CASZ1: variants seen among roughly 807,000 people sequenced by gnomAD.
CASZ1 encodes castor zinc finger 1.
Under a neutral mutation model 135.2 loss-of-function variants are expected in CASZ1, and 28 were observed. The observed-to-expected ratio is 0.21, with a 90% CI of 0.15 to 0.28. CASZ1 has a LOEUF of 0.28. Among genes scored for constraint, CASZ1 ranks in the 10% least tolerant of loss-of-function variants. CASZ1 has a pLI of 1.00. For synonymous variants in CASZ1, 1,068 were observed against 1,073.4 expected (o/e 0.99, Z 0.10); for missense variants, 2,161 against 2,453.3 (o/e 0.88, Z 2.52).
chr1:10,653,834 G>A lies in CASZ1; in HGVS notation c.2223C>T (p.Ser741=), dbSNP rs772120814. The A allele has an allele frequency of 9.9e-6, 16 of 1,608,964 alleles. No individual in the cohort carries two copies. The Admixed American group carries it at 2.2e-4, about 22-fold the overall frequency. The stretch of plus-strand genomic sequence containing the variant: ...ACGCAGAGGACTGCTGGCTGGTAGG[G>A]GAGGCGCTCAGGCTGGAGTTCTTGC... The part of the protein sequence containing the change: ...LSSKNSSLSA[S]PTSQQSSASL... Residue 741 remains serine (S), a synonymous_variant, in exon 11 of 21, where the codon TCC becomes TCT. Coordinates refer to ENST00000377022, the MANE Select transcript of CASZ1 (RefSeq NM_001079843.3).
chr1:10,683,238 TG>T (rs1638482714), intron 4 of CASZ1, among the ~76,000 whole-genome samples: 1 of 152,066 alleles, frequency 6.6e-6, no homozygotes, highest in African/African-American at 2.4e-5. Context: ...GGAGTAGGTG[TG>T]GGGGAAGGGC....
rs1186330457 is a variant in CASZ1, at chr1:10,694,350, C to T, written c.-23-438G>A. 20 of 1,142,122 alleles carry T rather than the reference C, an allele frequency of 1.8e-5. No homozygotes were observed. In the South Asian group the frequency reaches 2.6e-4, roughly 15 times the overall value. The allele number at this position is 1,142,122 out of a possible 1,614,324, so 70.7% of individuals were successfully genotyped here. ...ACTTAAATAATCAACTTTCATAATA[C>T]TTAATTAATGCCTAATTGCAACTGA... is the stretch of plus-strand genomic sequence containing the variant. On this transcript the variant is annotated intron_variant, in intron 3 of 20. Transcript: ENST00000377022. This position sits in a 1 kb window ranked among gnomAD's most constrained non-coding sequence, Gnocchi z 6.6.
chr1:10,642,487 G>A (rs1557455487), intron 20 of CASZ1, among the ~76,000 whole-genome samples: 1 of 152,066 alleles, frequency 6.6e-6, no homozygotes, highest in Admixed American at 6.5e-5. Context: ...GAAGGGGCAG[G>A]AGGAGAGAGA....
chr1:10,654,379 C>G (rs35604552), intron 10 of CASZ1, 40 bp downstream of exon 10: 3 of 1,601,426 alleles, frequency 1.9e-6, no homozygotes, highest in Non-Finnish European at 1.7e-6. Flanking sequence ...CTTCCCTCCC[C>G]GCTTCTGCCC....
intron 2 of CASZ1, among the ~76,000 whole-genome samples, chr1:10,754,119 T>C (rs1328718219): frequency 2.0e-5 from 3 of 152,170 alleles, no homozygotes; most frequent in African/African-American, 7.2e-5. Context: ...TCACTTCCTT[T>C]CTGTCTTCAC....
chr1:10,724,970 C>A lies in CASZ1; in HGVS notation c.-76-19426G>T, dbSNP rs1395663857. 1.3e-5 allele frequency among the ~76,000 whole-genome samples: 2 copies of A among 152,230 alleles called. No homozygotes were observed. The highest frequency in any genetic ancestry group is 2.9e-5 in the Non-Finnish European group (2 of 68,036). On this transcript the variant is annotated intron_variant, in intron 2 of 20. Transcript: ENST00000377022. The surrounding 1 kb of genome is among the most constrained non-coding windows in gnomAD (Gnocchi z 4.1). The stretch of plus-strand genomic sequence containing the variant: ...TGAAGTTGAAATAACCTACAAATTA[C>A]TTAATGTGTTGTAAATCTGGGGGAA...
chr1:10,703,689 A>G (rs1639110300), intron 3 of CASZ1, among the ~76,000 whole-genome samples: 1 of 152,104 alleles, frequency 6.6e-6, no homozygotes, highest in African/African-American at 2.4e-5. Context: ...AGGCCCCCTA[A>G]AGTGCAGGAG....
intron 2 of CASZ1, among the ~76,000 whole-genome samples, chr1:10,728,568 C>G (rs1285227913): frequency 6.6e-6 from 1 of 152,088 alleles, no homozygotes; most frequent in African/African-American, 2.4e-5. Context: ...CTCTTTCCAA[C>G]TCTTTCTTTC....
In CASZ1 at chr1:10,694,891, C is replaced by T. The variant is rs1042134460; in HGVS notation, c.-23-979G>A. 1.4e-5 allele frequency among the ~76,000 whole-genome samples: 2 copies of T among 143,590 alleles called. No homozygotes were observed. Among genetic ancestry groups the T allele is most frequent in the Non-Finnish European group, 3.1e-5 (2 of 64,828 alleles). The allele number at this position is 143,590 out of a possible 152,430, so 94.2% of individuals were successfully genotyped here. On this transcript the variant is annotated intron_variant, in intron 3 of 20. Transcript: ENST00000377022. The surrounding 1 kb of genome is among the most constrained non-coding windows in gnomAD (Gnocchi z 6.6). ...GCACGCGCCCACTCTTGCCGGCCGCCGGCGGCCGCGCGCGCGCTCGCATGC... is the reference window on the plus strand; with the variant it reads ...GCACGCGCCCACTCTTGCCGGCCGCTGGCGGCCGCGCGCGCGCTCGCATGC...
intron 2 of CASZ1, among the ~76,000 whole-genome samples, chr1:10,713,635 C>A (rs889434601): frequency 6.6e-6 from 1 of 152,224 alleles, no homozygotes; most frequent in Non-Finnish European, 1.5e-5. Flanking sequence ...TCCCTCAGCT[C>A]TCTTCGTTTG....
At chr1:10,768,201 T>TGTTC (rs1198339062) in intron 1 of CASZ1, among the ~76,000 whole-genome samples, 4 of 151,620 alleles carry the variant, frequency 2.6e-5, no homozygotes, top group African/African-American at 9.7e-5. Flanking sequence ...GGGTCATTAT[T>TGTTC]GTTCGTTTGT....
intron 9 of CASZ1, 140 bp from the exon 10 acceptor site, chr1:10,654,731 CG>C (rs1378902231): frequency 2.6e-6 from 2 of 771,280 alleles, no homozygotes; most frequent in East Asian, 5.0e-5. Context: ...CTGGAGGCCT[CG>C]GGATGTTGAT....
In CASZ1 at chr1:10,735,262, T is replaced by C. The variant is rs1436289296; in HGVS notation, c.-77+25439A>G. Among the ~76,000 whole-genome samples, 1 of 152,190 alleles carries C rather than the reference T, an allele frequency of 6.6e-6. No homozygotes were observed. The highest frequency in any genetic ancestry group is 1.5e-5 in the Non-Finnish European group (1 of 68,028). Reference sequence around the variant, plus strand: ...AATGCAAGTGTGGTGAAATTAAATATAAATCATATTTTCTGCATAAATTAT... The same window carrying C: ...AATGCAAGTGTGGTGAAATTAAATACAAATCATATTTTCTGCATAAATTAT... On this transcript the variant is annotated intron_variant, in intron 2 of 20. Transcript: ENST00000377022. This position sits in a 1 kb window ranked among gnomAD's most constrained non-coding sequence, Gnocchi z 5.1.
chr1:10,646,465 C>T lies in CASZ1; in HGVS notation c.3498-139G>A. 2 of 764,206 alleles carry T rather than the reference C, an allele frequency of 2.6e-6. No individual in the cohort carries two copies. The highest frequency in any genetic ancestry group is 1.7e-5 in the South Asian group (1 of 60,054). The allele number at this position is 764,206 out of a possible 1,614,324, so 47.3% of individuals were successfully genotyped here. A position where few individuals can be genotyped will look rare whatever the true frequency, so the allele number is the denominator to read the frequency against. On this transcript the variant is annotated intron_variant, in intron 16 of 20. Coordinates refer to ENST00000377022, the MANE Select transcript of CASZ1 (RefSeq NM_001079843.3). This position sits in a 1 kb window ranked among gnomAD's most constrained non-coding sequence, Gnocchi z 6.4. Reference sequence around the variant, plus strand: ...AGGGATGGCCTGGGCTGCTGTCCTGCTCAACAGGATGACTCAGCTGGAGAC... The same window carrying T: ...AGGGATGGCCTGGGCTGCTGTCCTGTTCAACAGGATGACTCAGCTGGAGAC...
At chr1:10,643,409 G>A (rs1015872986) in intron 18 of CASZ1, 98 bp from the exon 19 acceptor site, 5 of 1,315,672 alleles carry the variant, frequency 3.8e-6, no homozygotes, top group Non-Finnish European at 5.3e-6. Flanking sequence ...GGGCAGTGTG[G>A]TCAGTAAGGC....
chr1:10,654,698 G>GT, intron 9 of CASZ1, 107 bp from the exon 10 acceptor site: 2 of 1,104,738 alleles, frequency 1.8e-6, no homozygotes, highest in Non-Finnish European at 2.6e-6. Flanking sequence ...GCTCAGGGAA[G>GT]CTTTGGCACC....
Position 10,756,044 on chromosome 1 carries a change from C to G in CASZ1, c.-77+4657G>C, listed in dbSNP as rs1640249007. ...CAGATGCACACGCCTCCCACCCGGACACACCCTCCCCCAGGGCCGGCCCAG... is the reference window on the plus strand; with the variant it reads ...CAGATGCACACGCCTCCCACCCGGAGACACCCTCCCCCAGGGCCGGCCCAG... On this transcript the variant is annotated intron_variant, in intron 2 of 20. Transcript: ENST00000377022. The surrounding 1 kb of genome is among the most constrained non-coding windows in gnomAD (Gnocchi z 5.9). Among the ~76,000 whole-genome samples the G allele has an allele frequency of 6.6e-6, 1 of 152,298 alleles. No individual in the cohort carries two copies. Among genetic ancestry groups the G allele is most frequent in the East Asian group, 1.9e-4 (1 of 5,172 alleles).
intron 4 of CASZ1, among the ~76,000 whole-genome samples, chr1:10,686,291 T>C (rs1299755638): frequency 6.6e-6 from 1 of 152,202 alleles, no homozygotes; most frequent in Admixed American, 6.5e-5. Context: ...TCTGATAAAG[T>C]TGGCAGAAAA....
Position 10,794,503 on chromosome 1 carries a change from C to G in CASZ1, c.-234+2061G>C, listed in dbSNP as rs952445980. On this transcript the variant is annotated intron_variant, in intron 1 of 20. Coordinates refer to ENST00000377022, the MANE Select transcript of CASZ1 (RefSeq NM_001079843.3). The surrounding 1 kb of genome is among the most constrained non-coding windows in gnomAD (Gnocchi z 5.6). ...GGGGGAGCTCCATACTCAGGAGAGG[C>G]GCTACTGCCGCTTTTCCGGTGGGCA... Among the ~76,000 whole-genome samples, 22 of 152,064 alleles carry G rather than the reference C, an allele frequency of 1.4e-4. No individual in the cohort carries two copies. The highest frequency in any genetic ancestry group is 5.3e-4 in the African/African-American group (22 of 41,412).
Sources: gnomAD v4.1 joint callset for allele counts (sites outside exome capture counted in the v4.1 genomes callset) on GRCh38, gnomAD v4.1.1 for gene constraint, Gnocchi (gnomAD v3.1) non-coding constraint, MANE v1.5 for transcripts, NCBI Gene and HGNC (gene_info 2026-07-23, HGNC 2026-07-21) for gene names.